AGFG1: variants seen among roughly 807,000 people sequenced by gnomAD.
AGFG1 encodes the protein arf-GAP domain and FG repeat-containing protein 1.
Under a neutral mutation model 60.6 loss-of-function variants are expected in AGFG1, and 10 were observed. The observed-to-expected ratio is 0.16, with a 90% CI of 0.10 to 0.28. AGFG1 has a LOEUF of 0.28. Among genes scored for constraint, AGFG1 ranks in the 10% least tolerant of loss-of-function variants. The pLI is 1.00. For synonymous variants in AGFG1, 247 were observed against 242.9 expected, an observed-to-expected ratio of 1.02 and a Z score of -0.16; for missense variants, 537 against 676.5, an observed-to-expected ratio of 0.79 and a Z score of 2.29.
At chr2:227,550,101 A>T (rs1353567242) in intron 10 of AGFG1, 2 of 441,424 alleles carry the variant, frequency 4.5e-6, no homozygotes, top group Non-Finnish European at 9.3e-6. Context: ...CCTCACGCTC[A>T]TTTTGGTAGG....
At position 227,487,953 on chromosome 2, in the gene AGFG1, T is replaced by G. The variant is rs777926244; in HGVS notation, c.168-3594T>G. 1.6e-4 allele frequency among the ~76,000 whole-genome samples: 24 copies of G among 152,202 alleles called. 1 individual carries two copies. The highest frequency in any genetic ancestry group is 2.9e-4 in the Non-Finnish European group (20 of 68,026). Reference sequence around the variant, plus strand: ...GATACAGTTAATATCCCTGAATAAATGGAATATAAAAGAGCAATTAGAGAA... The same window carrying G: ...GATACAGTTAATATCCCTGAATAAAGGGAATATAAAAGAGCAATTAGAGAA... On this transcript the variant is annotated intron_variant, in intron 1 of 12. Transcript: ENST00000310078.
intron 10 of AGFG1, among the ~76,000 whole-genome samples, chr2:227,537,931 T>G (rs1449431724): frequency 6.6e-6 from 1 of 152,218 alleles, no homozygotes. Flanking sequence ...ATTAGGAGTT[T>G]GAGCTGTAAC....
At chr2:227,554,389 T>G in intron 12 of AGFG1, 47 bp from the exon 13 acceptor site, 1 of 1,453,930 alleles carries the variant, frequency 6.9e-7, no homozygotes, top group Non-Finnish European at 9.5e-7. Flanking sequence ...ATTTTGTACA[T>G]GCACTACTTT....
At chr2:227,541,837 G>A (rs2106232124) in intron 10 of AGFG1, among the ~76,000 whole-genome samples, 1 of 152,302 alleles carries the variant, frequency 6.6e-6, no homozygotes, top group South Asian at 2.1e-4. Flanking sequence ...AGCATGGAAT[G>A]TTCTTCCATT....
intron 1 of AGFG1, among the ~76,000 whole-genome samples, chr2:227,481,898 C>T (rs1259988903): frequency 7.4e-6 from 1 of 134,770 alleles, no homozygotes; most frequent in Non-Finnish European, 1.5e-5. Flanking sequence ...GACAGAGTCT[C>T]GCTGTTGCCC....
At chr2:227,526,764 G>A (rs1692008215) in intron 5 of AGFG1, among the ~76,000 whole-genome samples, 3 of 151,870 alleles carry the variant, frequency 2.0e-5, no homozygotes, top group East Asian at 1.9e-4. Context: ...GGCTGGTCTC[G>A]AACTCCTGAC....
chr2:227,529,297 CATTG>C (rs1346308152), intron 5 of AGFG1, among the ~76,000 whole-genome samples: 1 of 151,950 alleles, frequency 6.6e-6, no homozygotes, highest in Non-Finnish European at 1.5e-5. Context: ...TTCAGAAAGT[CATTG>C]ATTGCCAATT....
chr2:227,552,310 G>C (rs1007985751), intron 11 of AGFG1, among the ~76,000 whole-genome samples, 193 bp downstream of exon 11: 2 of 152,164 alleles, frequency 1.3e-5, no homozygotes, highest in Non-Finnish European at 2.9e-5. Flanking sequence ...TTTGTGAGCA[G>C]GTTACAATTT....
rs769929861 is a variant in AGFG1 at position 227,472,484 on chromosome 2, C to T, written c.63C>T (p.Thr21=). The T allele has an allele frequency of 5.1e-6, 8 of 1,578,798 alleles. No individual in the cohort carries two copies. Among genetic ancestry groups the T allele is most frequent in the Middle Eastern group, 1.7e-4 (1 of 5,962 alleles). Residue 21 remains threonine (T), a synonymous_variant, in exon 1 of 13, where the codon ACC becomes ACT. Coordinates refer to ENST00000310078, the MANE Select transcript of AGFG1 (RefSeq NM_004504.5). ...EKHLKMLRDM[T]GLPHNRKCFD... ...ACCTGAAGATGCTGCGGGACATGAC[C>T]GGCCTCCCGCACAACCGAAAGTGCT... is the stretch of plus-strand genomic sequence containing the variant.
intron 7 of AGFG1, 70 bp downstream of exon 7, chr2:227,533,828 A>G (rs1448555172): frequency 7.2e-7 from 1 of 1,395,376 alleles, no homozygotes; most frequent in Non-Finnish European, 9.9e-7. Flanking sequence ...TGTATTTATT[A>G]AAATCTGAAC....
At chr2:227,503,814 A>G (rs1691229012) in intron 2 of AGFG1, among the ~76,000 whole-genome samples, 1 of 152,220 alleles carries the variant, frequency 6.6e-6, no homozygotes, top group African/African-American at 2.4e-5. Flanking sequence ...CTAAGTTGTC[A>G]TATTTATTGA....
At chr2:227,514,316 A>G (rs929921365) in intron 2 of AGFG1, among the ~76,000 whole-genome samples, 2 of 152,058 alleles carry the variant, frequency 1.3e-5, no homozygotes, top group African/African-American at 2.4e-5. Context: ...GGCTCAAGCA[A>G]TTCTCCTGCC....
intron 1 of AGFG1, among the ~76,000 whole-genome samples, chr2:227,483,584 T>C (rs1690531479): frequency 6.6e-6 from 1 of 152,202 alleles, no homozygotes; most frequent in South Asian, 2.1e-4. Flanking sequence ...TCATAACTTT[T>C]CTAGATTGCC....
intron 10 of AGFG1, among the ~76,000 whole-genome samples, chr2:227,544,828 C>G (rs903737706): frequency 6.6e-6 from 1 of 152,110 alleles, no homozygotes; most frequent in Non-Finnish European, 1.5e-5. Context: ...GAGAGATCCC[C>G]TGTTAGTCTA....
At chr2:227,509,817 A>G (rs1691443258) in intron 2 of AGFG1, among the ~76,000 whole-genome samples, 1 of 152,220 alleles carries the variant, frequency 6.6e-6, no homozygotes, top group African/African-American at 2.4e-5. Context: ...TAGAAAATAC[A>G]GCCAAATAGC....
chr2:227,536,353 C>G (rs777556411), intron 8 of AGFG1, among the ~76,000 whole-genome samples: 1 of 152,058 alleles, frequency 6.6e-6, no homozygotes, highest in Non-Finnish European at 1.5e-5. Flanking sequence ...AAGATAGTGG[C>G]ACCAAACTGT....
In AGFG1 at chr2:227,538,469, T is replaced by C. The variant is rs145584430; in HGVS notation, c.1378+1476T>C. Reference sequence around the variant, plus strand: ...TTGTTCACAAGATGCTATTGAGATATTTATAGATATTATAACTTCACTTAA... The same window carrying C: ...TTGTTCACAAGATGCTATTGAGATACTTATAGATATTATAACTTCACTTAA... On this transcript the variant is annotated intron_variant, in intron 10 of 12. Coordinates refer to ENST00000310078, the MANE Select transcript of AGFG1 (RefSeq NM_004504.5). Among the ~76,000 whole-genome samples, 226 of 152,330 alleles carry C rather than the reference T, an allele frequency of 1.5e-3. 3 individuals carry two copies. Among genetic ancestry groups the C allele is most frequent in the African/African-American group, 5.1e-3 (212 of 41,576 alleles).
intron 1 of AGFG1, among the ~76,000 whole-genome samples, chr2:227,477,179 G>C (rs772882139): frequency 9.9e-5 from 15 of 152,184 alleles, no homozygotes; most frequent in Non-Finnish European, 4.4e-5. Flanking sequence ...GGAATTACAG[G>C]CATGAGCCAC....
At chr2:227,549,168 C>A (rs1692745570) in intron 10 of AGFG1, among the ~76,000 whole-genome samples, 1 of 152,116 alleles carries the variant, frequency 6.6e-6, no homozygotes, top group South Asian at 2.1e-4. Context: ...TATCCCTCCA[C>A]CTCATTTGCA....
Sources: gnomAD v4.1 joint callset for allele counts (sites outside exome capture counted in the v4.1 genomes callset) on GRCh38, gnomAD v4.1.1 for gene constraint, MANE v1.5 for transcripts, NCBI Gene and HGNC (gene_info 2026-07-23, HGNC 2026-07-21) for gene names.